AKAP19: variants seen among roughly 807,000 people sequenced by gnomAD.
AKAP19 encodes the protein small A-kinase anchoring protein.
chr2:190,037,810 T>TTCTTTAACGG, the AKAP19 span, among the ~76,000 whole-genome samples: 1 of 152,204 alleles, frequency 6.6e-6, no homozygotes, highest in African/African-American at 2.4e-5. Context: ...TTTCTTTACG[T>TTCTTTAACGG]TCTTTAACTG....
chr2:189,932,407 CAAAA>C, the AKAP19 span, among the ~76,000 whole-genome samples: 41 of 124,008 alleles, frequency 3.3e-4, no homozygotes, highest in Middle Eastern at 4.3e-3. Context: ...GACTCCAACT[CAAAA>C]AAAAAAAAAA....
At chr2:190,111,589 C>T in the AKAP19 span, among the ~76,000 whole-genome samples, 1 of 152,058 alleles carries the variant, frequency 6.6e-6, no homozygotes, top group Non-Finnish European at 1.5e-5. Flanking sequence ...CTTCCAGGAC[C>T]AGCCTAGGTT....
the AKAP19 span, among the ~76,000 whole-genome samples, chr2:189,973,145 G>T: frequency 3.4e-4 from 51 of 152,134 alleles, no homozygotes; most frequent in Non-Finnish European, 6.5e-4. Flanking sequence ...TTATTATTTT[G>T]AGATACATCC....
At chr2:190,151,494 G>A in the AKAP19 span, among the ~76,000 whole-genome samples, 24 of 152,206 alleles carry the variant, frequency 1.6e-4, no homozygotes, top group Admixed American at 3.3e-4. Flanking sequence ...GTTTGCTGAG[G>A]ATAATGGATT....
chr2:190,038,901 T>TTCTCC, the AKAP19 span, among the ~76,000 whole-genome samples: 2 of 46,024 alleles, frequency 4.3e-5, no homozygotes, highest in Non-Finnish European at 9.1e-5. Flanking sequence ...TCTTTCTTTC[T>TTCTCC]TTCTTCTTCT....
At chr2:189,895,256 A>G in the AKAP19 span, among the ~76,000 whole-genome samples, 1 of 152,284 alleles carries the variant, frequency 6.6e-6, no homozygotes, top group East Asian at 1.9e-4. Context: ...TTTCTCCTCT[A>G]CTTGCATTTT....
At chr2:190,100,161 AGG>A in the AKAP19 span, among the ~76,000 whole-genome samples, 1 of 152,320 alleles carries the variant, frequency 6.6e-6, no homozygotes, top group Non-Finnish European at 1.5e-5. Flanking sequence ...ATGGAGACTA[AGG>A]GAACTCTGCC....
At chr2:189,960,392 C>G in the AKAP19 span, among the ~76,000 whole-genome samples, 1 of 152,206 alleles carries the variant, frequency 6.6e-6, no homozygotes, top group Non-Finnish European at 1.5e-5. Flanking sequence ...CTCCTCCCCT[C>G]TTCTCCAAAT....
the AKAP19 span, chr2:190,200,440 A>G: frequency 1.1e-5 from 3 of 263,656 alleles, no homozygotes; most frequent in Non-Finnish European, 2.3e-5. Flanking sequence ...TGGCATCACC[A>G]AAGAAAATGC....
At chr2:190,014,006 C>A in the AKAP19 span, among the ~76,000 whole-genome samples, 1 of 152,076 alleles carries the variant, frequency 6.6e-6, no homozygotes, top group African/African-American at 2.4e-5. Context: ...TTCCTTAAGG[C>A]ATAACGTTAG....
chr2:190,112,087 T>C, the AKAP19 span, among the ~76,000 whole-genome samples: 3 of 152,252 alleles, frequency 2.0e-5, no homozygotes, highest in Admixed American at 2.0e-4. Context: ...TTAGTAGAGA[T>C]GGGGTTTCAC....
At chr2:189,963,490 C>T in the AKAP19 span, among the ~76,000 whole-genome samples, 12 of 151,974 alleles carry the variant, frequency 7.9e-5, no homozygotes, top group Admixed American at 2.0e-4. Context: ...CCACCGCGCC[C>T]GGCCCAGGCT....
chr2:189,931,680 C>T, the AKAP19 span, among the ~76,000 whole-genome samples: 1 of 152,018 alleles, frequency 6.6e-6, no homozygotes, highest in Non-Finnish European at 1.5e-5. Flanking sequence ...CCCAAATGTG[C>T]ACAATCGTGG....
chr2:190,059,600 C>T, the AKAP19 span, among the ~76,000 whole-genome samples: 1 of 151,880 alleles, frequency 6.6e-6, no homozygotes, highest in South Asian at 2.1e-4. Context: ...CTGAATAAAA[C>T]ATTTAATTAT....
At chr2:189,930,118 T>C in the AKAP19 span, among the ~76,000 whole-genome samples, 1 of 152,134 alleles carries the variant, frequency 6.6e-6, no homozygotes, top group South Asian at 2.1e-4. Flanking sequence ...TCATGTACTT[T>C]CCCCCAACAT....
chr2:189,910,082 T>A, the AKAP19 span, among the ~76,000 whole-genome samples: 1 of 152,114 alleles, frequency 6.6e-6, no homozygotes, highest in African/African-American at 2.4e-5. Flanking sequence ...ATTCAGTAAT[T>A]TATCATTTGA....
the AKAP19 span, among the ~76,000 whole-genome samples, chr2:189,984,429 G>T: frequency 6.6e-6 from 1 of 152,100 alleles, no homozygotes; most frequent in South Asian, 2.1e-4. Context: ...GCTCACCGGT[G>T]GTCAGATTTT....
At chr2:190,162,470 A>G in the AKAP19 span, among the ~76,000 whole-genome samples, 6 of 152,130 alleles carry the variant, frequency 3.9e-5, no homozygotes, top group African/African-American at 1.4e-4. Context: ...TTTGGAAAAA[A>G]AGTATAATTG....
the AKAP19 span, among the ~76,000 whole-genome samples, chr2:190,014,056 A>C: frequency 2.0e-5 from 3 of 152,022 alleles, no homozygotes; most frequent in African/African-American, 7.2e-5. Context: ...ATAGGCACTT[A>C]TTGCTATAAA....
Sources: allele counts gnomAD v4.1 joint callset (sites outside exome capture counted in the v4.1 genomes callset), GRCh38; gene constraint gnomAD v4.1.1; transcripts MANE v1.5; gene names NCBI Gene and HGNC (gene_info 2026-07-23, HGNC 2026-07-21).